RAC2: variants seen among roughly 807,000 people sequenced by gnomAD.
The protein encoded by RAC2 is ras-related C3 botulinum toxin substrate 2.
A neutral mutation model predicts 24.0 loss-of-function variants in RAC2; 1 was observed. That is an observed-to-expected ratio of 0.04 (90% confidence interval 0.01 to 0.20). RAC2 has a LOEUF of 0.20. Among genes scored for constraint, RAC2 ranks in the 10% least tolerant of loss-of-function variants. The pLI is 1.00. For missense variants in RAC2, 130 were observed against 259.1 expected, an observed-to-expected ratio of 0.50 and a Z score of 3.42; for synonymous variants, 114 against 106.8, an observed-to-expected ratio of 1.07 and a Z score of -0.41.
chr22:37,242,085 A>C (rs1927415665), intron 1 of RAC2, among the ~76,000 whole-genome samples: 1 of 152,216 alleles, frequency 6.6e-6, no homozygotes, highest in African/African-American at 2.4e-5. Flanking sequence ...CCTCTGCCTC[A>C]GTTTCTCCAT....
chr22:37,240,873 G>A (rs188399986), intron 2 of RAC2: 17 of 624,106 alleles, frequency 2.7e-5, no homozygotes, highest in Non-Finnish European at 5.0e-5. Context: ...GGGTAGAAAT[G>A]TGCAGGGAGC....
intron 5 of RAC2, among the ~76,000 whole-genome samples, chr22:37,229,002 A>C (rs1432421481): frequency 6.6e-6 from 1 of 152,258 alleles, no homozygotes; most frequent in African/African-American, 2.4e-5. Context: ...TGTGTTGAGG[A>C]GGTGTCACTG....
intron 2 of RAC2, among the ~76,000 whole-genome samples, chr22:37,234,748 T>C (rs1476002): frequency 0.88 from 134,151 of 152,256 alleles, 59,299 homozygotes; most frequent in African/African-American, 0.94. Flanking sequence ...ACCAACCTGG[T>C]CTCTGGCCCC....
Position 37,231,476 on chromosome 22 carries a change from G to A in RAC2, c.289-86C>T, listed in dbSNP as rs1450086568. 7.5e-7 allele frequency: 1 copy of A among 1,330,248 alleles called. No individual in the cohort carries two copies. The highest frequency in any genetic ancestry group is 1.1e-6 in the Non-Finnish European group (1 of 936,872). The allele number at this position is 1,330,248 out of a possible 1,614,324, so 82.4% of individuals were successfully genotyped here. A position where few individuals can be genotyped will look rare whatever the true frequency, so the allele number is the denominator to read the frequency against. Reference sequence around the variant, plus strand: ...CGGGGATCAGAGGGAGTGTGAGGGTGTAGGGAGAGGAGAGGCAGCAAGTTG... The same window carrying A: ...CGGGGATCAGAGGGAGTGTGAGGGTATAGGGAGAGGAGAGGCAGCAAGTTG... On this transcript the variant is annotated intron_variant, in intron 4 of 6. Transcript: ENST00000249071. This position sits in a 1 kb window ranked among gnomAD's most constrained non-coding sequence, Gnocchi z 5.5.
At position 37,230,283 on chromosome 22, in the gene RAC2, C is replaced by T. The variant is rs368475314; in HGVS notation, c.448+948G>A. 1.3e-3 allele frequency among the ~76,000 whole-genome samples: 84 copies of T among 65,396 alleles called. 1 individual carries two copies. The East Asian group carries it at 0.015, about 11-fold the overall frequency. The allele number at this position is 65,396 out of a possible 152,430, so 42.9% of individuals were successfully genotyped here. On this transcript the variant is annotated intron_variant, in intron 5 of 6. Coordinates refer to ENST00000249071, the MANE Select transcript of RAC2 (RefSeq NM_002872.5). ...AGGGGGAGGTGGGGCGGGGCTGGGG[C>T]GGTGGGGCGGGAGGAGGTCTAGTGG...
intron 5 of RAC2, among the ~76,000 whole-genome samples, chr22:37,229,432 C>T (rs1031579956): frequency 2.6e-5 from 4 of 152,186 alleles, no homozygotes; most frequent in Admixed American, 6.5e-5. Context: ...GAGCCTGTTT[C>T]CTCTCTGTAA....
At chr22:37,230,728 G>A (rs537890841) in intron 5 of RAC2, among the ~76,000 whole-genome samples, 41 of 152,234 alleles carry the variant, frequency 2.7e-4, no homozygotes, top group African/African-American at 8.9e-4. Context: ...GAAGGTGGTG[G>A]AAGGAAATGT....
chr22:37,236,730 T>G lies in RAC2; in HGVS notation c.108-3812A>C, dbSNP rs13058338. On this transcript the variant is annotated intron_variant, in intron 2 of 6. Transcript: ENST00000249071. ...GCCCACCCCCACGGAGGAAGGATGG[T>G]GCATTCAAGGAACCCAGAGACCACA... 5.1e-3 allele frequency among the ~76,000 whole-genome samples: 777 copies of G among 151,970 alleles called. 2 individuals are homozygous for G. Among genetic ancestry groups the G allele is most frequent in the Middle Eastern group, 0.031 (9 of 294 alleles).
rs1173868636 is a variant in RAC2, at chr22:37,231,086, G to A, written c.448+145C>T. On this transcript the variant is annotated intron_variant, in intron 5 of 6. Coordinates refer to ENST00000249071, the MANE Select transcript of RAC2 (RefSeq NM_002872.5). The surrounding 1 kb of genome is among the most constrained non-coding windows in gnomAD (Gnocchi z 5.5). ...CAGGCAGAGAGAGGCTACGTGACTC[G>A]CCCAAGGTCACACAGCAAGTGCACA... 15 of 978,422 alleles carry A rather than the reference G, an allele frequency of 1.5e-5. No homozygotes were observed. The highest frequency in any genetic ancestry group is 2.7e-5 in the South Asian group (2 of 73,894). The allele number at this position is 978,422 out of a possible 1,614,324, so 60.6% of individuals were successfully genotyped here.
At position 37,233,036 on chromosome 22, in the gene RAC2, C is replaced by A. The variant is rs1569090176; in HGVS notation, c.108-118G>T. 5.3e-6 allele frequency: 4 copies of A among 756,680 alleles called. No homozygotes were observed. The African/African-American group carries it at 6.8e-5, about 13-fold the overall frequency. 46.9% of individuals were successfully genotyped at this position (756,680 alleles called of 1,614,324 possible). On this transcript the variant is annotated intron_variant, in intron 2 of 6. Transcript: ENST00000249071. ...AGACCTAGAGACAGTCTGCGACTGG[C>A]CCAAAGTCACACAGCATTTGCAATT...
At chr22:37,232,950 C>G in intron 2 of RAC2, 32 bp from the exon 3 acceptor site, 1 of 1,514,102 alleles carries the variant, frequency 6.6e-7, no homozygotes, top group South Asian at 1.1e-5. Context: ...GAGGTAAGGT[C>G]AATCTCAAAC....
intron 5 of RAC2, among the ~76,000 whole-genome samples, chr22:37,229,506 C>T (rs1569088772): frequency 6.6e-6 from 1 of 152,316 alleles, no homozygotes; most frequent in African/African-American, 2.4e-5. Context: ...CCAGGAAGTG[C>T]TCAGTCCACA....
chr22:37,243,503 T>C lies in RAC2; in HGVS notation c.35+611A>G, dbSNP rs1273232994. On this transcript the variant is annotated intron_variant, in intron 1 of 6. Transcript: ENST00000249071. ...TTGCCTCTTCTGCTCCTCACCCACATCCCCCACACATCCTCCCCAACCCGG... is the reference window on the plus strand; with the variant it reads ...TTGCCTCTTCTGCTCCTCACCCACACCCCCCACACATCCTCCCCAACCCGG... Among the ~76,000 whole-genome samples the C allele has an allele frequency of 2.6e-5, 4 of 151,074 alleles. No homozygotes were observed. In the East Asian group the frequency reaches 7.8e-4, roughly 29 times the overall value.
In RAC2 at chr22:37,232,881, T is replaced by G. The variant is rs1308950505; in HGVS notation, c.145A>C (p.Lys49Gln). The change falls in exon 3 of 7, where the codon AAG becomes CAG. Residue 49 changes from lysine to glutamine, a missense_variant. Transcript: ENST00000249071. ...TCCCACAGCCCCAGGTTCACTGGCT[T>G]GCTGTCCACCATCACATTGGCTGAA... The part of the protein sequence containing the change: ...NYSANVMVDS[K>Q]PVNLGLWDTA... The G allele has an allele frequency of 6.2e-7, 1 of 1,613,990 alleles. No individual in the cohort carries two copies. The highest frequency in any genetic ancestry group is 8.5e-7 in the Non-Finnish European group (1 of 1,180,024).
intron 2 of RAC2, among the ~76,000 whole-genome samples, chr22:37,238,194 T>G (rs1344252616): frequency 6.6e-6 from 1 of 152,084 alleles, no homozygotes; most frequent in Non-Finnish European, 1.5e-5. Flanking sequence ...CAGGAGAGAT[T>G]TAGGCCAGGT....
chr22:37,241,573 C>A lies in RAC2; in HGVS notation c.107+14G>T, dbSNP rs770554080. On this transcript the variant is annotated intron_variant, in intron 2 of 6. Transcript: ENST00000249071. Reference sequence around the variant, plus strand: ...CCCCTCCTCCCACCACCCCACATATCCCCAGGAACTCACACGGTGGGGATG... The same window carrying A: ...CCCCTCCTCCCACCACCCCACATATACCCAGGAACTCACACGGTGGGGATG... 1.9e-6 allele frequency: 3 copies of A among 1,608,728 alleles called. No individual in the cohort carries two copies. Among genetic ancestry groups the A allele is most frequent in the Non-Finnish European group, 2.6e-6 (3 of 1,175,122 alleles).
chr22:37,236,095 G>A (rs1416413462), intron 2 of RAC2, among the ~76,000 whole-genome samples: 1 of 152,220 alleles, frequency 6.6e-6, no homozygotes, highest in Non-Finnish European at 1.5e-5. Flanking sequence ...GACCCTGGGT[G>A]AGTGACCTAA....
At chr22:37,232,752 AAC>A in intron 3 of RAC2, 47 bp downstream of exon 3, 1 of 1,499,776 alleles carries the variant, frequency 6.7e-7, no homozygotes. Context: ...AAGCAGAGGG[AAC>A]AGAGACAGCA....
At position 37,226,890 on chromosome 22, in the gene RAC2, T is replaced by TCCACGCCATACACCCCTC. The variant is rs1323421862; in HGVS notation, c.449-105_449-88dup. On this transcript the variant is annotated intron_variant, in intron 5 of 6. Transcript: ENST00000249071. Reference sequence around the variant, plus strand: ...ATGTCTCCTATGCCATACAACCCCTTCCACGCCATACACCCCTCCCACGCC... The same window carrying TCCACGCCATACACCCCTC: ...ATGTCTCCTATGCCATACAACCCCTTCCACGCCATACACCCCTCCCACGCCATACACCCCTCCCACGCC... 1.1e-3 allele frequency: 1,640 copies of TCCACGCCATACACCCCTC among 1,483,288 alleles called. 14 individuals carry two copies. Among genetic ancestry groups the TCCACGCCATACACCCCTC allele is most frequent in the African/African-American group, 4.7e-3 (293 of 62,810 alleles). The allele number at this position is 1,483,288 out of a possible 1,614,324, so 91.9% of individuals were successfully genotyped here.
Sources: gnomAD v4.1 joint callset for allele counts (sites outside exome capture counted in the v4.1 genomes callset) on GRCh38, gnomAD v4.1.1 for gene constraint, Gnocchi (gnomAD v3.1) non-coding constraint, MANE v1.5 for transcripts, NCBI Gene and HGNC (gene_info 2026-07-23, HGNC 2026-07-21) for gene names.